Variants in TBCB observed in about 807,000 individuals in gnomAD.
The protein encoded by TBCB is tubulin-folding cofactor B.
TBCB carries 18 observed loss-of-function variants against 29.2 expected under a neutral mutation model. The ratio of observed to expected loss-of-function variants is 0.62; its 90% CI spans 0.43 to 0.91. TBCB has a LOEUF of 0.91. Among genes scored for constraint, TBCB ranks in the 40% least tolerant of loss-of-function variants. The probability of loss-of-function intolerance (pLI) is 0.00; values close to 1 mark genes in which losing one functional copy is unlikely to be tolerated. For synonymous variants in TBCB, 172 were observed against 137.8 expected (o/e 1.25, Z -1.74); for missense variants, 336 against 337.6 (o/e 1.00, Z 0.04).
chr19:36,124,096 G>C (rs548804190), intron 4 of TBCB, among the ~76,000 whole-genome samples: 1 of 152,146 alleles, frequency 6.6e-6, no homozygotes, highest in Non-Finnish European at 1.5e-5. Flanking sequence ...TTTGCTTACA[G>C]TCATCCACTG....
At chr19:36,116,251 C>T (rs1331663149) in intron 2 of TBCB, 67 bp downstream of exon 2, 7 of 1,584,640 alleles carry the variant, frequency 4.4e-6, no homozygotes, top group African/African-American at 1.3e-5. Flanking sequence ...CAGACACTTG[C>T]TGGGCTTTGC....
chr19:36,116,556 T>G, intron 2 of TBCB: 2 of 185,802 alleles, frequency 1.1e-5, no homozygotes, highest in African/African-American at 2.3e-5. Context: ...TAGGTCACAG[T>G]GAGCGACCAG....
chr19:36,121,875 C>T (rs982176584), intron 4 of TBCB, 157 bp downstream of exon 4: 3 of 936,794 alleles, frequency 3.2e-6, no homozygotes, highest in Admixed American at 2.4e-5. Flanking sequence ...ACGGAACCAT[C>T]TGCCGACACT....
intron 2 of TBCB, 179 bp from the exon 3 acceptor site, chr19:36,120,531 T>G (rs1249759169): frequency 8.9e-6 from 5 of 561,636 alleles, no homozygotes; most frequent in Non-Finnish European, 1.6e-5. Context: ...GAAGGGGAGG[T>G]GGCCAGTGTA....
chr19:36,115,112 G>A (rs1973921634), upstream of TBCB: 2 of 578,080 alleles, frequency 3.5e-6, no homozygotes, highest in Non-Finnish European at 6.1e-6. Flanking sequence ...TATGGATCTG[G>A]TGCCAGAGCC....
At chr19:36,121,791 A>C (rs1180254682) in intron 4 of TBCB, 73 bp downstream of exon 4, 1 of 1,531,318 alleles carries the variant, frequency 6.5e-7, no homozygotes, top group Non-Finnish European at 8.8e-7. Context: ...GGCACAGTGG[A>C]GCCTCGGAGA....
chr19:36,116,035 T>A lies in TBCB; in HGVS notation c.115-6T>A. ...TCCTTCTTCTCACCCTGCCTCCTCC[T>A]CACAGTGTAAACTGGAGTTGCTGGT... On this transcript the variant is annotated splice_region_variant and splice_polypyrimidine_tract_variant and intron_variant, in intron 1 of 5. Coordinates refer to ENST00000221855, the MANE Select transcript of TBCB (RefSeq NM_001281.3). The A allele has an allele frequency of 3.7e-6, 6 of 1,613,062 alleles. No individual in the cohort carries two copies. The highest frequency in any genetic ancestry group is 5.1e-6 in the Non-Finnish European group (6 of 1,179,160).
chr19:36,122,571 C>CAA (rs759711385), intron 4 of TBCB, among the ~76,000 whole-genome samples: 43,719 of 91,126 alleles, frequency 0.48, 8,730 homozygotes, highest in Middle Eastern at 0.57. Flanking sequence ...CCTGTCTCTA[C>CAA]AAAAAAAAAA....
intron 2 of TBCB, among the ~76,000 whole-genome samples, chr19:36,120,237 G>A (rs925104774): frequency 2.0e-5 from 3 of 152,182 alleles, no homozygotes; most frequent in Admixed American, 1.3e-4. Context: ...TTTACACTGA[G>A]TCCCCAGCAT....
intron 4 of TBCB, among the ~76,000 whole-genome samples, chr19:36,123,014 C>T (rs939491829): frequency 1.3e-5 from 2 of 152,072 alleles, no homozygotes; most frequent in African/African-American, 2.4e-5. Context: ...TCTAATTTGC[C>T]GATTCTGGAT....
chr19:36,115,179 A>G, upstream of TBCB: 1 of 547,440 alleles, frequency 1.8e-6, no homozygotes, highest in Non-Finnish European at 3.2e-6. Context: ...ACAGAAGCCA[A>G]GGCGCTTGGC....
intron 2 of TBCB, chr19:36,116,600 T>C (rs1973959321): frequency 6.2e-6 from 1 of 161,744 alleles, no homozygotes. Context: ...GAACACAGGA[T>C]CTCTTTGTGC....
In TBCB at chr19:36,125,737, G is replaced by A. The variant is rs921975042; in HGVS notation, c.690G>A (p.Thr230=). 11 of 1,571,256 alleles carry A rather than the reference G, an allele frequency of 7.0e-6. No homozygotes were observed. The highest frequency in any genetic ancestry group is 2.4e-5 in the South Asian group (2 of 83,950). Residue 230 remains threonine, a synonymous_variant, in exon 6 of 6, where the codon ACG becomes ACA. Coordinates refer to ENST00000221855, the MANE Select transcript of TBCB (RefSeq NM_001281.3). ...CCTTTGTCAAGCCAGCAGTCGTGAC[G>A]GTGGGGGACTTCCCGGAGGAGGACT... ...YGAFVKPAVV[T]VGDFPEEDYG...
rs1974030526 is a variant in TBCB at position 36,120,677 on chromosome 19, C to G, written c.259-33C>G. Reference sequence around the variant, plus strand: ...AGCACCCAGGCCTCCCTGGCCAGACCCTGATCCCCACGGAGCCCCTCCCCT... The same window carrying G: ...AGCACCCAGGCCTCCCTGGCCAGACGCTGATCCCCACGGAGCCCCTCCCCT... On this transcript the variant is annotated intron_variant, in intron 2 of 5. Coordinates refer to ENST00000221855, the MANE Select transcript of TBCB (RefSeq NM_001281.3). 1.9e-6 allele frequency: 3 copies of G among 1,607,440 alleles called. No homozygotes were observed. The African/African-American group carries it at 4.0e-5, about 21-fold the overall frequency.
chr19:36,115,353 G>A (rs1599861450), upstream of TBCB: 3 of 577,530 alleles, frequency 5.2e-6, no homozygotes, highest in South Asian at 4.2e-5. Context: ...GATTGGCTGG[G>A]CTGGCCCAAG....
intron 4 of TBCB, among the ~76,000 whole-genome samples, chr19:36,124,956 G>A (rs1440457128): frequency 6.6e-6 from 1 of 151,900 alleles, no homozygotes; most frequent in Non-Finnish European, 1.5e-5. Flanking sequence ...TTTGCAAAGT[G>A]GGTGTTCTTT....
At chr19:36,124,026 C>T (rs192908734) in intron 4 of TBCB, among the ~76,000 whole-genome samples, 5 of 152,276 alleles carry the variant, frequency 3.3e-5, no homozygotes, top group South Asian at 2.1e-4. Context: ...TTTTCATTCC[C>T]GCCAGCAGTG....
rs113183340 is a variant in TBCB at position 36,121,583 on chromosome 19, C to T, written c.412C>T (p.Arg138Trp). Residue 138 changes from arginine (R) to tryptophan (W), a missense_variant, in exon 4 of 6, where the codon CGG becomes TGG. Arg to Trp is a moderately radical substitution (Grantham distance 101). Coordinates refer to ENST00000221855, the MANE Select transcript of TBCB (RefSeq NM_001281.3). ...SKLGRYNEEE[R>W]AQQEAEAAQR... ...GCTCGGCCGGTACAACGAGGAGGAG[C>T]GGGCTCAGCAGGAGGCCGAGGCCGC... 4.5e-6 allele frequency: 7 copies of T among 1,557,350 alleles called. No homozygotes were observed. The highest frequency in any genetic ancestry group is 6.1e-6 in the Non-Finnish European group (7 of 1,152,218).
At chr19:36,120,539 GTACGTAGCTACTTCTCCCTTCCGCTGGGC>G in intron 2 of TBCB, 142 bp from the exon 3 acceptor site, 2 of 588,806 alleles carry the variant, frequency 3.4e-6, no homozygotes, top group East Asian at 5.8e-5. Context: ...GGTGGCCAGT[GTACGTAGCTACTTCTCCCTTCCGCTGGGC>G]TCAGGAGAGA....
Sources: gnomAD v4.1 joint callset for allele counts (sites outside exome capture counted in the v4.1 genomes callset) on GRCh38, gnomAD v4.1.1 for gene constraint, MANE v1.5 for transcripts, NCBI Gene and HGNC (gene_info 2026-07-23, HGNC 2026-07-21) for gene names.